Variants in RBM46 observed in about 807,000 individuals in gnomAD.
RBM46 encodes RNA binding motif protein 46, also known as probable RNA-binding protein 46.
In RBM46, 12 loss-of-function variants were observed where a neutral mutation model predicts 43.3. The observed-to-expected ratio is 0.28, with a 90% CI of 0.18 to 0.45. The LOEUF is 0.45. RBM46 is among the 20% of genes least tolerant of loss of function. The pLI is 1.00. For synonymous variants in RBM46, 205 were observed against 207.6 expected, an observed-to-expected ratio of 0.99 and a Z score of 0.11; for missense variants, 412 against 639.1, an observed-to-expected ratio of 0.64 and a Z score of 3.83.
chr4:154,818,150 A>T (rs991632943), intron 4 of RBM46, among the ~76,000 whole-genome samples: 9 of 152,140 alleles, frequency 5.9e-5, no homozygotes, highest in Non-Finnish European at 1.3e-4. Context: ...CTTAATATAC[A>T]TTGATATTGA....
In RBM46 at chr4:154,795,307, T is replaced by G. The variant is rs956007239; in HGVS notation, c.-11-1435T>G. Among the ~76,000 whole-genome samples, 5 of 152,204 alleles carry G rather than the reference T, an allele frequency of 3.3e-5. No individual in the cohort carries two copies. The South Asian group carries it at 8.3e-4, about 25-fold the overall frequency. ...AGGGAAGAACCAGGATTCAGATTTT[T>G]TAGCCAGTCTTGAACCTGAGTCTGC... On this transcript the variant is annotated intron_variant, in intron 1 of 4. Transcript: ENST00000281722.
chr4:154,801,513 G>GT (rs1335492398), intron 4 of RBM46, among the ~76,000 whole-genome samples: 1 of 152,158 alleles, frequency 6.6e-6, no homozygotes, highest in East Asian at 1.9e-4. Flanking sequence ...TTCAAATTAA[G>GT]TTTCTTAGAG....
At chr4:154,789,428 T>C (rs1733964633) in intron 1 of RBM46, among the ~76,000 whole-genome samples, 1 of 152,238 alleles carries the variant, frequency 6.6e-6, no homozygotes, top group Non-Finnish European at 1.5e-5. Flanking sequence ...TCTTTTGAGA[T>C]AATCATGTGG....
At chr4:154,804,350 T>G (rs1193674803) in intron 4 of RBM46, among the ~76,000 whole-genome samples, 2 of 152,202 alleles carry the variant, frequency 1.3e-5, no homozygotes, top group African/African-American at 4.8e-5. Context: ...CTTCACAATC[T>G]CGTTATCTGT....
chr4:154,790,861 A>T (rs1734052651), intron 1 of RBM46, among the ~76,000 whole-genome samples: 1 of 152,190 alleles, frequency 6.6e-6, no homozygotes, highest in Non-Finnish European at 1.5e-5. Context: ...TAATAAGATG[A>T]GATTAAGTTG....
intron 3 of RBM46, 52 bp from the exon 4 acceptor site, chr4:154,798,730 A>C: frequency 7.8e-7 from 1 of 1,289,006 alleles, no homozygotes; most frequent in Non-Finnish European, 1.0e-6. Flanking sequence ...GAACATCTTT[A>C]CCTTTTATTC....
rs1309893631 is a variant in RBM46, at chr4:154,785,600, G to GT, written c.-12+4170dup. On this transcript the variant is annotated intron_variant, in intron 1 of 4. Coordinates refer to ENST00000281722, the MANE Select transcript of RBM46 (RefSeq NM_144979.5). ...TTGCAACAGTCTTAACTAGATTCTT[G>GT]TTTTTTCTCTCACTGTTTTTCCTGT... 2.0e-5 allele frequency among the ~76,000 whole-genome samples: 3 copies of GT among 151,944 alleles called. No individual in the cohort carries two copies. The East Asian group carries it at 5.8e-4, about 29-fold the overall frequency.
intron 1 of RBM46, among the ~76,000 whole-genome samples, chr4:154,783,377 T>G (rs1232464390): frequency 6.6e-6 from 1 of 152,226 alleles, no homozygotes; most frequent in Non-Finnish European, 1.5e-5. Context: ...TCAGGTTTAA[T>G]GGTGTTATTT....
intron 1 of RBM46, among the ~76,000 whole-genome samples, chr4:154,786,194 C>G (rs1733755650): frequency 1.3e-5 from 2 of 152,266 alleles, no homozygotes; most frequent in Admixed American, 1.3e-4. Flanking sequence ...TCAAGCAATT[C>G]CCCAGCTTCA....
rs975834068 is a variant in RBM46 at position 154,798,042 on chromosome 4, C to T, written c.383C>T (p.Pro128Leu). Residue 128 changes from proline to leucine, a missense_variant, in exon 3 of 5, where the codon CCA becomes CTA. Transcript: ENST00000281722. ...ATTCTTAATAATTATGAAATTCGACCAGGGAAGTTTATTGGTGTGTGTGTA... is the reference window on the plus strand; with the variant it reads ...ATTCTTAATAATTATGAAATTCGACTAGGGAAGTTTATTGGTGTGTGTGTA... ...IRILNNYEIR[P>L]GKFIGVCVSL... 3 of 1,613,620 alleles carry T rather than the reference C, an allele frequency of 1.9e-6. No homozygotes were observed. Among genetic ancestry groups the T allele is most frequent in the Non-Finnish European group, 2.5e-6 (3 of 1,179,794 alleles).
chr4:154,827,683 A>G, intron 4 of RBM46, 185 bp from the exon 5 acceptor site: 2 of 1,414,446 alleles, frequency 1.4e-6, no homozygotes, highest in Non-Finnish European at 1.8e-6. Flanking sequence ...AATACTGACA[A>G]AACTCTCAGG....
At chr4:154,807,431 T>C (rs1734959924) in intron 4 of RBM46, among the ~76,000 whole-genome samples, 1 of 151,800 alleles carries the variant, frequency 6.6e-6, no homozygotes, top group South Asian at 2.1e-4. Flanking sequence ...TCCTGTTTAA[T>C]ATTTAGTAGA....
At chr4:154,812,339 C>A (rs1735220154) in intron 4 of RBM46, among the ~76,000 whole-genome samples, 1 of 152,064 alleles carries the variant, frequency 6.6e-6, no homozygotes, top group African/African-American at 2.4e-5. Context: ...TAATGTTGAC[C>A]TGAGACATCT....
rs33918255 is a variant in RBM46 at position 154,798,767 on chromosome 4, A to AT, written c.620-5dup. On this transcript the variant is annotated splice_polypyrimidine_tract_variant and intron_variant, in intron 3 of 4. Coordinates refer to ENST00000281722, the MANE Select transcript of RBM46 (RefSeq NM_144979.5). Reference sequence around the variant, plus strand: ...TTATTTTAATTCTCTTCAAATTATTATTTTTTTTTTACAGGAACATTCCAA... The same window carrying AT: ...TTATTTTAATTCTCTTCAAATTATTATTTTTTTTTTTACAGGAACATTCCAA... The AT allele has an allele frequency of 2.7e-3, 3,563 of 1,324,514 alleles. 4 individuals are homozygous for AT. Among genetic ancestry groups the AT allele is most frequent in the Non-Finnish European group, 3.2e-3 (3,223 of 1,009,196 alleles). 82.0% of individuals were successfully genotyped at this position (1,324,514 alleles called of 1,614,324 possible).
At chr4:154,824,887 T>C (rs1735885261) in intron 4 of RBM46, among the ~76,000 whole-genome samples, 1 of 152,074 alleles carries the variant, frequency 6.6e-6, no homozygotes, top group Non-Finnish European at 1.5e-5. Context: ...TGAAGGTCTG[T>C]TGGCTGGAAA....
At chr4:154,824,090 C>CTT (rs34202228) in intron 4 of RBM46, among the ~76,000 whole-genome samples, 5 of 145,334 alleles carry the variant, frequency 3.4e-5, no homozygotes, top group African/African-American at 1.3e-4. Context: ...CAGTTGTTCT[C>CTT]TTTTTTTTTT....
intron 1 of RBM46, 63 bp downstream of exon 1, chr4:154,781,499 C>G (rs1733457250): frequency 6.6e-6 from 1 of 152,422 alleles, no homozygotes; most frequent in East Asian, 1.9e-4. Flanking sequence ...GGATAGTGCC[C>G]GGCTCACTCT....
At chr4:154,792,860 T>G (rs1158531408) in intron 1 of RBM46, among the ~76,000 whole-genome samples, 1 of 152,202 alleles carries the variant, frequency 6.6e-6, no homozygotes, top group Non-Finnish European at 1.5e-5. Flanking sequence ...GAAGAGATCC[T>G]TATGGCTTTC....
At position 154,790,798 on chromosome 4, in the gene RBM46, G is replaced by T. The variant is rs183721832; in HGVS notation, c.-11-5944G>T. On this transcript the variant is annotated intron_variant, in intron 1 of 4. Coordinates refer to ENST00000281722, the MANE Select transcript of RBM46 (RefSeq NM_144979.5). ...GAAAAATTAGCCATTTCATGGATGG[G>T]ACAAGTGAGTAAAAGATCAGACGGG... 5.3e-5 allele frequency among the ~76,000 whole-genome samples: 8 copies of T among 152,282 alleles called. No homozygotes were observed. In the East Asian group the frequency reaches 1.4e-3, roughly 26 times the overall value.
Sources: allele counts gnomAD v4.1 joint callset (sites outside exome capture counted in the v4.1 genomes callset), GRCh38; gene constraint gnomAD v4.1.1; transcripts MANE v1.5; gene names NCBI Gene and HGNC (gene_info 2026-07-23, HGNC 2026-07-21).